GRAMD2B: variants seen among roughly 807,000 people sequenced by gnomAD.
The protein encoded by GRAMD2B is GRAM domain containing 2B.
Under a neutral mutation model 59.2 loss-of-function variants are expected in GRAMD2B, and 41 were observed. The observed-to-expected ratio is 0.69, with a 90% CI of 0.54 to 0.90. The LOEUF (loss-of-function observed/expected upper bound fraction) is 0.90. Ranked by LOEUF, GRAMD2B falls within the 40% of genes least tolerant of loss-of-function variation. GRAMD2B has a pLI of 0.00. For synonymous variants in GRAMD2B, 161 were observed against 182.7 expected, an observed-to-expected ratio of 0.88 and a Z score of 0.96; for missense variants, 424 against 500.5, an observed-to-expected ratio of 0.85 and a Z score of 1.46.
intron 1 of GRAMD2B, among the ~76,000 whole-genome samples, chr5:126,411,340 C>T (rs986291017): frequency 4.6e-5 from 7 of 152,108 alleles, no homozygotes; most frequent in Admixed American, 4.6e-4. Flanking sequence ...GCTATCCCAG[C>T]ACCATTTATT....
intron 10 of GRAMD2B, among the ~76,000 whole-genome samples, chr5:126,485,162 T>C (rs1316531753): frequency 1.3e-5 from 2 of 152,012 alleles, no homozygotes; most frequent in Non-Finnish European, 2.9e-5. Context: ...AAGACCAGCC[T>C]GGGCAACATA....
chr5:126,437,505 G>A (rs1762602759), intron 1 of GRAMD2B, among the ~76,000 whole-genome samples: 1 of 152,140 alleles, frequency 6.6e-6, no homozygotes, highest in Non-Finnish European at 1.5e-5. Flanking sequence ...ATAGGTAAGA[G>A]TTAAAATCAT....
chr5:126,451,975 G>A (rs1018801351), intron 1 of GRAMD2B, among the ~76,000 whole-genome samples: 1 of 151,982 alleles, frequency 6.6e-6, no homozygotes, highest in Non-Finnish European at 1.5e-5. Flanking sequence ...CTTCCACCAC[G>A]ATTGTAAGCT....
chr5:126,375,334 T>C (rs1163088367), intron 1 of GRAMD2B, among the ~76,000 whole-genome samples: 1 of 152,148 alleles, frequency 6.6e-6, no homozygotes, highest in Non-Finnish European at 1.5e-5. Flanking sequence ...ATAAAAATTT[T>C]ATTTTTACCT....
chr5:126,422,677 T>A (rs4324677), upstream of GRAMD2B, among the ~76,000 whole-genome samples: 1 of 152,092 alleles, frequency 6.6e-6, no homozygotes, highest in African/African-American at 2.4e-5. Flanking sequence ...AATGAATGAA[T>A]GAGTGAATGC....
chr5:126,445,813 G>C (rs1764119259), intron 1 of GRAMD2B, among the ~76,000 whole-genome samples: 1 of 152,150 alleles, frequency 6.6e-6, no homozygotes, highest in South Asian at 2.1e-4. Flanking sequence ...CTCTTCTTCA[G>C]CTTCAAGAGA....
chr5:126,414,245 C>T (rs138565598), intron 1 of GRAMD2B, among the ~76,000 whole-genome samples: 2 of 152,198 alleles, frequency 1.3e-5, no homozygotes, highest in African/African-American at 4.8e-5. Flanking sequence ...AATCTGGGGG[C>T]TTCGGTTTCT....
chr5:126,472,165 T>G, intron 3 of GRAMD2B, 73 bp from the exon 4 acceptor site: 1 of 1,164,238 alleles, frequency 8.6e-7, no homozygotes. Flanking sequence ...GGAAAATTTG[T>G]TGTTGAAGTT....
At chr5:126,424,645 G>T (rs1760270534) in intron 1 of GRAMD2B, among the ~76,000 whole-genome samples, 1 of 152,220 alleles carries the variant, frequency 6.6e-6, no homozygotes, top group Non-Finnish European at 1.5e-5. Context: ...AAGAGGATTA[G>T]AATGACTTGC....
upstream of GRAMD2B, chr5:126,423,384 C>G: frequency 3.7e-6 from 5 of 1,341,304 alleles, no homozygotes; most frequent in Non-Finnish European, 3.8e-6. Flanking sequence ...CCCTCCCTCT[C>G]GGCTTTTCCA....
upstream of GRAMD2B, among the ~76,000 whole-genome samples, chr5:126,367,273 A>G (rs1414351732): frequency 6.6e-6 from 1 of 152,202 alleles, no homozygotes; most frequent in African/African-American, 2.4e-5. Flanking sequence ...TAAGGCACAA[A>G]TATTTCTAAC....
At chr5:126,442,266 T>A (rs1365533401) in intron 1 of GRAMD2B, among the ~76,000 whole-genome samples, 7 of 151,134 alleles carry the variant, frequency 4.6e-5, no homozygotes, top group African/African-American at 1.5e-4. Flanking sequence ...AACCCCTCCC[T>A]AAAATGCTTT....
At chr5:126,429,827 T>C (rs1761272745) in intron 1 of GRAMD2B, among the ~76,000 whole-genome samples, 1 of 152,254 alleles carries the variant, frequency 6.6e-6, no homozygotes, top group South Asian at 2.1e-4. Context: ...TTTTACTTTA[T>C]GCTAAAAGGA....
intron 1 of GRAMD2B, among the ~76,000 whole-genome samples, chr5:126,413,674 G>A (rs1461019383): frequency 6.6e-6 from 1 of 152,030 alleles, no homozygotes; most frequent in East Asian, 1.9e-4. Flanking sequence ...CTGCCTTGAT[G>A]ATCTAAGGCT....
At chr5:126,405,335 A>G (rs964276316) in intron 1 of GRAMD2B, among the ~76,000 whole-genome samples, 2 of 151,934 alleles carry the variant, frequency 1.3e-5, no homozygotes, top group African/African-American at 4.8e-5. Flanking sequence ...CACCAGAGAT[A>G]GTACATTGTG....
At chr5:126,457,229 C>G (rs1190403704) in intron 1 of GRAMD2B, among the ~76,000 whole-genome samples, 2 of 146,802 alleles carry the variant, frequency 1.4e-5, no homozygotes, top group South Asian at 4.4e-4. Context: ...AAAGAAGTAC[C>G]TGGCTGACAC....
intron 2 of GRAMD2B, chr5:126,466,309 CA>C (rs941097390): frequency 2.6e-5 from 38 of 1,471,590 alleles, no homozygotes; most frequent in Non-Finnish European, 3.4e-5. Context: ...ATCTTCTCTC[CA>C]AATCTATGCT....
upstream of GRAMD2B, among the ~76,000 whole-genome samples, chr5:126,370,271 C>T (rs570247609): frequency 5.9e-5 from 9 of 152,334 alleles, no homozygotes; most frequent in South Asian, 1.2e-3. Flanking sequence ...TGTAGAGCAG[C>T]ACAGACCTGT....
chr5:126,422,553 A>T (rs968361498), upstream of GRAMD2B, among the ~76,000 whole-genome samples: 1 of 152,144 alleles, frequency 6.6e-6, no homozygotes, highest in African/African-American at 2.4e-5. Flanking sequence ...AGTATATTTT[A>T]TGTGTGGCCC....
Sources: gnomAD v4.1 joint callset for allele counts (sites outside exome capture counted in the v4.1 genomes callset) on GRCh38, gnomAD v4.1.1 for gene constraint, MANE v1.5 for transcripts, NCBI Gene and HGNC (gene_info 2026-07-23, HGNC 2026-07-21) for gene names.